COL4A5: variants seen among roughly 807,000 people sequenced by gnomAD.
COL4A5 encodes the protein collagen alpha-5(IV) chain.
COL4A5 carries 26 observed loss-of-function variants against 130.2 expected under a neutral mutation model. The observed-to-expected ratio is 0.20, with a 90% CI of 0.15 to 0.28. The LOEUF (loss-of-function observed/expected upper bound fraction) is 0.28. Ranked by LOEUF, COL4A5 falls within the 10% of genes least tolerant of loss-of-function variation. COL4A5 has a pLI of 1.00. For missense variants in COL4A5, 1,131 were observed against 1,344.3 expected (o/e 0.84, Z 2.48); for synonymous variants, 496 against 439.6 (o/e 1.13, Z -1.60).
chrX:108,581,159 A>G (rs2066242493), intron 16 of COL4A5, 132 bp downstream of exon 16: 2 of 574,909 alleles, frequency 3.5e-6, no homozygotes, highest in Middle Eastern at 3.2e-4. Flanking sequence ...GAAATTATCC[A>G]GTCTTTGTCT....
intron 49 of COL4A5, chrX:108,689,663 G>A (rs1012829560): frequency 5.3e-6 from 4 of 752,620 alleles, no homozygotes; most frequent in Admixed American, 8.8e-5. Flanking sequence ...AAAGATACAG[G>A]CAGCTGTCAC....
At chrX:108,560,479 T>C (rs2065883973) in intron 3 of COL4A5, among the ~76,000 whole-genome samples, 1 of 112,464 alleles carries the variant, frequency 8.9e-6, no homozygotes, top group Non-Finnish European at 1.9e-5. Flanking sequence ...TCAGCAAGGG[T>C]CAAAGACAGG....
intron 44 of COL4A5, among the ~76,000 whole-genome samples, 187 bp from the exon 45 acceptor site, chrX:108,680,492 A>G (rs2068404550): frequency 9.0e-6 from 1 of 111,537 alleles, no homozygotes; most frequent in Non-Finnish European, 1.9e-5. Context: ...TGAGAAAACT[A>G]TGAATCAAGG....
chrX:108,562,022 A>C (rs2065905816), intron 3 of COL4A5, among the ~76,000 whole-genome samples: 1 of 112,289 alleles, frequency 8.9e-6, no homozygotes, highest in African/African-American at 3.2e-5. Flanking sequence ...GAGCAACAGA[A>C]TGATTCTTGT....
Position 108,643,293 on chromosome X carries a change from G to C in COL4A5, c.3247-12038G>C, listed in dbSNP as rs998404562. ...ATCTAAAAGTTTGGAAAACATATTT[G>C]GGGAATAATTAAGGAAAACTTCCCC... On this transcript the variant is annotated intron_variant, in intron 36 of 52. Transcript: ENST00000328300. Among the ~76,000 whole-genome samples the C allele has an allele frequency of 2.7e-5, 3 of 111,800 alleles. No homozygotes were observed. In the Admixed American group the frequency reaches 2.9e-4, roughly 11 times the overall value.
At chrX:108,520,985 TTATG>T (rs1307016065) in intron 1 of COL4A5, among the ~76,000 whole-genome samples, 1 of 112,021 alleles carries the variant, frequency 8.9e-6, no homozygotes, top group African/African-American at 3.2e-5. Flanking sequence ...TGTTTAATGA[TTATG>T]TAAGTATATG....
intron 36 of COL4A5, among the ~76,000 whole-genome samples, chrX:108,629,973 A>G (rs935673752): frequency 1.1e-4 from 12 of 111,378 alleles, no homozygotes; most frequent in Non-Finnish European, 2.1e-4. Context: ...CCATGTCCCT[A>G]CAAAGGACAT....
At chrX:108,680,033 A>G (rs1449236556) in intron 44 of COL4A5, among the ~76,000 whole-genome samples, 1 of 112,043 alleles carries the variant, frequency 8.9e-6, no homozygotes, top group Non-Finnish European at 1.9e-5. Flanking sequence ...TGGCTTAAGT[A>G]GGGAAAGTTC....
chrX:108,496,484 C>A (rs1465019363), intron 1 of COL4A5, among the ~76,000 whole-genome samples: 1 of 111,044 alleles, frequency 9.0e-6, no homozygotes, highest in Admixed American at 9.6e-5. Context: ...AGAATATGTT[C>A]TATCTTGGTG....
At chrX:108,656,181 C>T (rs566137115) in intron 37 of COL4A5, among the ~76,000 whole-genome samples, 2 of 111,607 alleles carry the variant, frequency 1.8e-5, no homozygotes, top group African/African-American at 3.3e-5. Context: ...CCCCCAACCC[C>T]GAGGTGACCA....
At chrX:108,692,726 T>A in intron 49 of COL4A5, 22 bp from the exon 50 acceptor site, 4 of 1,204,859 alleles carry the variant, frequency 3.3e-6, no homozygotes, top group Non-Finnish European at 4.5e-6. Flanking sequence ...TCCTTTACTG[T>A]TTTCTCTCCA....
intron 36 of COL4A5, among the ~76,000 whole-genome samples, chrX:108,644,580 A>AATTTGG (rs1248834990): frequency 1.8e-5 from 2 of 111,861 alleles, no homozygotes; most frequent in Non-Finnish European, 3.8e-5. Context: ...ATCCAAAAGG[A>AATTTGG]ATCTGCAAAT....
rs1362841832 is a variant in COL4A5 at position 108,620,245 on chromosome X, A to C, written c.2510-14A>C. On this transcript the variant is annotated splice_polypyrimidine_tract_variant and intron_variant, in intron 30 of 52. Coordinates refer to ENST00000328300, the MANE Select transcript of COL4A5 (RefSeq NM_033380.3). Reference sequence around the variant, plus strand: ...TGCTTCAGTACTTATTAATATTGATATTGTATTAACTAGGTTTACATGGAA... The same window carrying C: ...TGCTTCAGTACTTATTAATATTGATCTTGTATTAACTAGGTTTACATGGAA... 2 of 1,183,922 alleles carry C rather than the reference A, an allele frequency of 1.7e-6. No individual in the cohort carries two copies. The highest frequency in any genetic ancestry group is 4.4e-5 in the Admixed American group (2 of 45,904).
chrX:108,694,040 G>GGTGTGTGTGTGTGTGT (rs1158248123), intron 50 of COL4A5: 1 of 84,625 alleles, frequency 1.2e-5, no homozygotes, highest in East Asian at 4.8e-4. Flanking sequence ...TGGGAATTTG[G>GGTGTGTGTGTGTGTGT]GTGTATGTGT....
intron 36 of COL4A5, among the ~76,000 whole-genome samples, chrX:108,632,527 A>G (rs2147886565): frequency 9.0e-6 from 1 of 111,648 alleles, no homozygotes; most frequent in East Asian, 2.8e-4. Flanking sequence ...GACACAACAA[A>G]AAAAAGAGAA....
At chrX:108,619,581 T>C (rs1307693895) in intron 30 of COL4A5, among the ~76,000 whole-genome samples, 1 of 112,042 alleles carries the variant, frequency 8.9e-6, no homozygotes, top group Non-Finnish European at 1.9e-5. Context: ...TCATTTTTTT[T>C]CTGTAAAATC....
intron 1 of COL4A5, among the ~76,000 whole-genome samples, chrX:108,536,814 T>G (rs998330151): frequency 8.9e-6 from 1 of 111,860 alleles, no homozygotes. Flanking sequence ...GAGATCATAT[T>G]GTCTATGTAT....
chrX:108,591,040 C>T lies in COL4A5; in HGVS notation c.1166-18C>T, dbSNP rs1295764983. On this transcript the variant is annotated intron_variant, in intron 19 of 52. Coordinates refer to ENST00000328300, the MANE Select transcript of COL4A5 (RefSeq NM_033380.3). ...ATCTCTAAGATGAAATCATTTTGAT[C>T]ACTTTTTTGAATCTTAGGGGCTGCA... The T allele has an allele frequency of 8.3e-7, 1 of 1,199,353 alleles. No homozygotes were observed.
chrX:108,620,488 T>A, intron 31 of COL4A5, 62 bp downstream of exon 31: 1 of 946,097 alleles, frequency 1.1e-6, no homozygotes, highest in Non-Finnish European at 1.5e-6. Context: ...ACGACTCTGG[T>A]AGATAATTCC....
Sources: gnomAD v4.1 joint callset for allele counts (sites outside exome capture counted in the v4.1 genomes callset) on GRCh38, gnomAD v4.1.1 for gene constraint, MANE v1.5 for transcripts, NCBI Gene and HGNC (gene_info 2026-07-23, HGNC 2026-07-21) for gene names.